Variants in CSTPP1 observed in about 807,000 individuals in gnomAD.
CSTPP1 encodes centriolar satellite-associated tubulin polyglutamylase complex regulator 1, also known as UPF0705 protein C11orf49.
the CSTPP1 span, among the ~76,000 whole-genome samples, chr11:47,109,960 C>T: frequency 9.9e-5 from 15 of 152,270 alleles, no homozygotes; most frequent in African/African-American, 3.6e-4. Flanking sequence ...TTTGCCCTTC[C>T]TTCTTTCCCT....
At chr11:47,016,741 T>C in the CSTPP1 span, among the ~76,000 whole-genome samples, 4 of 151,840 alleles carry the variant, frequency 2.6e-5, no homozygotes, top group Non-Finnish European at 5.9e-5. Flanking sequence ...CTTTGGGAGG[T>C]AATGGATATG....
chr11:47,128,157 G>A, the CSTPP1 span, among the ~76,000 whole-genome samples: 28 of 152,062 alleles, frequency 1.8e-4, no homozygotes, highest in East Asian at 5.2e-3. Flanking sequence ...TTACAGGTGT[G>A]AGCCACCATG....
At chr11:47,117,868 A>ATTTCT in the CSTPP1 span, among the ~76,000 whole-genome samples, 16 of 114,186 alleles carry the variant, frequency 1.4e-4, no homozygotes, top group African/African-American at 4.9e-4. Context: ...TTCTCGCTGT[A>ATTTCT]TTTCTTTTCT....
At chr11:47,045,424 G>A in the CSTPP1 span, among the ~76,000 whole-genome samples, 1 of 152,120 alleles carries the variant, frequency 6.6e-6, no homozygotes, top group African/African-American at 2.4e-5. Flanking sequence ...GGCTAATTTT[G>A]GTCTTTGTTT....
chr11:47,054,972 ACT>A, the CSTPP1 span, among the ~76,000 whole-genome samples: 1 of 79,426 alleles, frequency 1.3e-5, no homozygotes, highest in Admixed American at 2.1e-4. Context: ...ACAGGGTTTT[ACT>A]CTGTCACCCA....
the CSTPP1 span, among the ~76,000 whole-genome samples, chr11:47,096,900 A>G: frequency 4.6e-5 from 7 of 152,298 alleles, no homozygotes; most frequent in African/African-American, 1.7e-4. Flanking sequence ...TATAAAATGC[A>G]TCTACTTCAA....
At chr11:47,160,619 G>A in the CSTPP1 span, 1 of 154,484 alleles carries the variant, frequency 6.5e-6, no homozygotes, top group Non-Finnish European at 1.4e-5. Flanking sequence ...GCCTGTGCCG[G>A]GTTAATTCTG....
the CSTPP1 span, among the ~76,000 whole-genome samples, chr11:46,986,357 C>T: frequency 5.3e-5 from 8 of 151,524 alleles, no homozygotes; most frequent in East Asian, 1.6e-3. Flanking sequence ...TTGTTATTTA[C>T]CAAAGTTAAT....
chr11:47,107,705 C>A, the CSTPP1 span, among the ~76,000 whole-genome samples: 1 of 152,112 alleles, frequency 6.6e-6, no homozygotes. Flanking sequence ...TTAGAAGATT[C>A]TCCTAAAATG....
chr11:47,098,347 A>T, the CSTPP1 span, among the ~76,000 whole-genome samples: 419 of 151,654 alleles, frequency 2.8e-3, 3 homozygotes, highest in African/African-American at 9.4e-3. Context: ...AAAAAATAAA[A>T]AAAAATAAAG....
chr11:47,162,224 T>TAAAA, the CSTPP1 span: 1 of 985,428 alleles, frequency 1.0e-6, no homozygotes, highest in South Asian at 4.7e-5. Flanking sequence ...GTGAAACGAA[T>TAAAA]AAAAAGTCCC....
chr11:47,038,994 A>C, the CSTPP1 span, among the ~76,000 whole-genome samples: 3 of 112,296 alleles, frequency 2.7e-5, no homozygotes, highest in African/African-American at 8.3e-5. Flanking sequence ...GGCGGCCGGG[A>C]AGAGGCGCTC....
the CSTPP1 span, among the ~76,000 whole-genome samples, chr11:47,030,330 G>C: frequency 4.6e-5 from 7 of 152,292 alleles, no homozygotes; most frequent in South Asian, 1.2e-3. Context: ...GTTTGAGTGA[G>C]AACAAGGAGC....
the CSTPP1 span, among the ~76,000 whole-genome samples, chr11:47,037,133 A>G: frequency 7.9e-6 from 1 of 127,356 alleles, no homozygotes; most frequent in African/African-American, 2.5e-5. Context: ...AGGACATAGA[A>G]GTCAGCTTGA....
At chr11:47,112,634 T>G in the CSTPP1 span, among the ~76,000 whole-genome samples, 1 of 152,180 alleles carries the variant, frequency 6.6e-6, no homozygotes, top group Non-Finnish European at 1.5e-5. Flanking sequence ...TTTGTTTATT[T>G]TCTTTATCAT....
At chr11:47,126,162 A>G in the CSTPP1 span, among the ~76,000 whole-genome samples, 2 of 152,124 alleles carry the variant, frequency 1.3e-5, no homozygotes, top group Non-Finnish European at 2.9e-5. Flanking sequence ...TCTCTTCTCT[A>G]TTTTCTTATA....
chr11:47,087,463 G>T, the CSTPP1 span, among the ~76,000 whole-genome samples: 7 of 152,168 alleles, frequency 4.6e-5, no homozygotes, highest in African/African-American at 1.7e-4. Context: ...ACTTTGGGAG[G>T]CCCAGGGTGG....
chr11:47,082,145 G>A, the CSTPP1 span, among the ~76,000 whole-genome samples: 1 of 114,884 alleles, frequency 8.7e-6, no homozygotes, highest in Non-Finnish European at 1.7e-5. Context: ...GTGAGACCCT[G>A]TCTCAAAAAA....
chr11:47,038,747 G>A, the CSTPP1 span, among the ~76,000 whole-genome samples: 1 of 124,228 alleles, frequency 8.0e-6, no homozygotes, highest in African/African-American at 2.5e-5. Context: ...TTCCCAGACG[G>A]GGTGGCTGCT....
Sources: allele counts gnomAD v4.1 joint callset (sites outside exome capture counted in the v4.1 genomes callset), GRCh38; gene constraint gnomAD v4.1.1; transcripts MANE v1.5; gene names NCBI Gene and HGNC (gene_info 2026-07-23, HGNC 2026-07-21).